KIF3A: variants seen among roughly 807,000 people sequenced by gnomAD.
KIF3A encodes the protein kinesin-like protein KIF3A.
A neutral mutation model predicts 92.6 loss-of-function variants in KIF3A; 27 were observed. The observed-to-expected ratio is 0.29, with a 90% CI of 0.21 to 0.40. The LOEUF (loss-of-function observed/expected upper bound fraction) is 0.40, where lower values mean the gene tolerates loss of function less well. KIF3A is among the 10% of genes least tolerant of loss of function. The probability of loss-of-function intolerance (pLI) is 1.00; values close to 1 mark genes in which losing one functional copy is unlikely to be tolerated. For missense variants in KIF3A, 581 were observed against 872.6 expected, an observed-to-expected ratio of 0.67 and a Z score of 4.21; for synonymous variants, 250 against 275.4, an observed-to-expected ratio of 0.91 and a Z score of 0.92.
intron 4 of KIF3A, among the ~76,000 whole-genome samples, chr5:132,725,646 A>G (rs1213831998): frequency 6.6e-6 from 1 of 152,220 alleles, no homozygotes; most frequent in Non-Finnish European, 1.5e-5. Context: ...ACTGCTGGGA[A>G]GATTAAATGA....
rs549421006 is a variant in KIF3A at position 132,697,027 on chromosome 5, A to C, written c.2133-345T>G. 2.0e-5 allele frequency among the ~76,000 whole-genome samples: 3 copies of C among 152,346 alleles called. No homozygotes were observed. In the South Asian group the frequency reaches 6.2e-4, roughly 32 times the overall value. ...CTGATTATCTCTTCTGAGGTACTCA[A>C]AAGGTGCAAGTGGATTCAGAGGAAA... On this transcript the variant is annotated intron_variant, in intron 18 of 18. Coordinates refer to ENST00000403231, the MANE Select transcript of KIF3A (RefSeq NM_001300791.2).
At position 132,710,949 on chromosome 5, in the gene KIF3A, C is replaced by A; in HGVS notation, c.1228+10G>T. The A allele has an allele frequency of 6.2e-7, 1 of 1,613,758 alleles. No individual in the cohort carries two copies. The highest frequency in any genetic ancestry group is 8.5e-7 in the Non-Finnish European group (1 of 1,179,808). Reference sequence around the variant, plus strand: ...AATTTCTACAAATCAGATTACTAAACAGAACTTACCCCTTCTTTTTTTCCT... The same window carrying A: ...AATTTCTACAAATCAGATTACTAAAAAGAACTTACCCCTTCTTTTTTTCCT... On this transcript the variant is annotated intron_variant, in intron 9 of 18. Coordinates refer to ENST00000403231, the MANE Select transcript of KIF3A (RefSeq NM_001300791.2).
rs1260543519 is a variant in KIF3A at position 132,699,170 on chromosome 5, C to A, written c.2132+1G>T. 6.2e-7 allele frequency: 1 copy of A among 1,613,878 alleles called. No homozygotes were observed. The highest frequency in any genetic ancestry group is 1.3e-5 in the African/African-American group (1 of 75,046). On this transcript the variant is annotated splice_donor_variant, in intron 18 of 18. Coordinates refer to ENST00000403231, the MANE Select transcript of KIF3A (RefSeq NM_001300791.2). LOFTEE classifies it high-confidence loss of function. ...TTACCAGATTCAAGGACAGTCCTTACCTTCTCCCTGTCTTTGGCCTTGCTT... is the reference window on the plus strand; with the variant it reads ...TTACCAGATTCAAGGACAGTCCTTAACTTCTCCCTGTCTTTGGCCTTGCTT...
chr5:132,703,362 A>C, intron 12 of KIF3A, 101 bp downstream of exon 12: 1 of 1,059,448 alleles, frequency 9.4e-7, no homozygotes. Flanking sequence ...CTGGAGACAA[A>C]AATCCAAGCT....
At chr5:132,737,355 C>A (rs1366249680) in intron 1 of KIF3A, 59 bp downstream of exon 1, 6 of 1,565,960 alleles carry the variant, frequency 3.8e-6, no homozygotes, top group African/African-American at 1.4e-5. Context: ...AACGGCCGCG[C>A]CCCCGGGCCA....
chr5:132,713,563 G>A (rs4266392), intron 8 of KIF3A, among the ~76,000 whole-genome samples: 85,951 of 152,004 alleles, frequency 0.57, 26,995 homozygotes, highest in Non-Finnish European at 0.73. Context: ...GAGCAAAAAT[G>A]AACTGAAATG....
intron 17 of KIF3A, among the ~76,000 whole-genome samples, chr5:132,699,945 C>T (rs1468788033): frequency 5.9e-5 from 9 of 152,106 alleles, no homozygotes; most frequent in African/African-American, 1.9e-4. Context: ...CATAATCCTA[C>T]GACCCAGAGT....
chr5:132,696,776 T>C (rs1752853520), intron 18 of KIF3A, 94 bp from the exon 19 acceptor site: 2 of 972,130 alleles, frequency 2.1e-6, no homozygotes, highest in Non-Finnish European at 3.2e-6. Context: ...GGGTGGCCTG[T>C]ATAGTCTGGA....
chr5:132,737,489 A>C lies in KIF3A; in HGVS notation c.-70T>G. ...AGCCCAGCGACACCGGGTGCGCAGA[A>C]AGGATGGCCAGAGACTACCGAAACA... On this transcript the variant is annotated 5_prime_UTR_variant, in exon 1 of 19. Coordinates refer to ENST00000403231, the MANE Select transcript of KIF3A (RefSeq NM_001300791.2). 2.6e-5 allele frequency: 41 copies of C among 1,572,516 alleles called. No homozygotes were observed. Among genetic ancestry groups the C allele is most frequent in the Non-Finnish European group, 3.5e-5 (41 of 1,155,156 alleles).
intron 2 of KIF3A, 90 bp downstream of exon 2, chr5:132,734,115 C>G: frequency 5.1e-6 from 5 of 985,204 alleles, no homozygotes; most frequent in Non-Finnish European, 7.7e-6. Context: ...TTACTACACT[C>G]ATCAAACTGC....
intron 4 of KIF3A, among the ~76,000 whole-genome samples, chr5:132,724,555 A>C (rs922669684): frequency 6.6e-6 from 1 of 151,834 alleles, no homozygotes; most frequent in Non-Finnish European, 1.5e-5. Context: ...AAAAAACCAA[A>C]CACCACATGT....
chr5:132,700,092 G>A, intron 17 of KIF3A, 124 bp downstream of exon 17: 2 of 626,930 alleles, frequency 3.2e-6, no homozygotes, highest in East Asian at 5.5e-5. Flanking sequence ...AAAAGTATCA[G>A]CCCATTTTTC....
rs1222851505 is a variant in KIF3A at position 132,698,766 on chromosome 5, G to C, written c.2132+405C>G. Among the ~76,000 whole-genome samples the C allele has an allele frequency of 1.7e-4, 13 of 75,370 alleles. No homozygotes were observed. The Admixed American group carries it at 1.9e-3, about 11-fold the overall frequency. The allele number at this position is 75,370 out of a possible 152,430, so 49.4% of individuals were successfully genotyped here. A position where few individuals can be genotyped will look rare whatever the true frequency, so the allele number is the denominator to read the frequency against. On this transcript the variant is annotated intron_variant, in intron 18 of 18. Transcript: ENST00000403231. ...TTTTTTTGAGACCAAGTCTTGCTCTGTCACCCAGGCTGAAGTTCAGTGGCA... is the reference window on the plus strand; with the variant it reads ...TTTTTTTGAGACCAAGTCTTGCTCTCTCACCCAGGCTGAAGTTCAGTGGCA...
chr5:132,710,991 C>T lies in KIF3A; in HGVS notation c.1196G>A (p.Gly399Glu), dbSNP rs768347544. 1 of 1,612,004 alleles carries T rather than the reference C, an allele frequency of 6.2e-7. No homozygotes were observed. Among genetic ancestry groups the T allele is most frequent in the Admixed American group, 1.7e-5 (1 of 60,008 alleles). Residue 399 changes from glycine (G) to glutamate (E), a missense_variant, in exon 9 of 19, where the codon GGA becomes GAA. By Grantham distance (98) the Gly-to-Glu change is moderately conservative. Transcript: ENST00000403231. The part of the protein sequence containing the change: ...EEDDDEEGEV[G>E]EDGEKRKKRR... The stretch of plus-strand genomic sequence containing the variant: ...TTTTTTCCTTTTCTCTCCATCTTCT[C>T]CAACCTCACCCTCTTCATCATCATC...
chr5:132,714,597 T>C (rs964941291), intron 8 of KIF3A, among the ~76,000 whole-genome samples: 1 of 152,154 alleles, frequency 6.6e-6, no homozygotes, highest in African/African-American at 2.4e-5. Context: ...GAAAGTAGAA[T>C]AGTGGTTACC....
chr5:132,705,456 T>C (rs1454162213), intron 11 of KIF3A, among the ~76,000 whole-genome samples: 3 of 152,102 alleles, frequency 2.0e-5, no homozygotes, highest in East Asian at 1.9e-4. Flanking sequence ...ATTGTTTCAA[T>C]AGTTAAAAAC....
At position 132,734,484 on chromosome 5, in the gene KIF3A, GGA is replaced by G. The variant is rs776997210; in HGVS notation, c.7-8_7-7del. 6.3e-7 allele frequency: 1 copy of G among 1,589,504 alleles called. No homozygotes were observed. The highest frequency in any genetic ancestry group is 1.8e-5 in the Admixed American group (1 of 54,104). On this transcript the variant is annotated splice_polypyrimidine_tract_variant and splice_region_variant and intron_variant, in intron 1 of 18. Coordinates refer to ENST00000403231, the MANE Select transcript of KIF3A (RefSeq NM_001300791.2). The stretch of plus-strand genomic sequence containing the variant: ...GGCTTCTCTGATTTATTGATCTGTT[GGA>G]GATAATATTTACAAATAATGAAAAG...
intron 17 of KIF3A, chr5:132,699,585 G>C: frequency 2.2e-6 from 1 of 454,906 alleles, no homozygotes; most frequent in Non-Finnish European, 4.3e-6. Flanking sequence ...TTGAGACGGA[G>C]TCTCACTCTG....
At position 132,716,879 on chromosome 5, in the gene KIF3A, A is replaced by G; in HGVS notation, c.722T>C (p.Val241Ala). 6.2e-7 allele frequency: 1 copy of G among 1,614,086 alleles called. No homozygotes were observed. Among genetic ancestry groups the G allele is most frequent in the Non-Finnish European group, 8.5e-7 (1 of 1,179,986 alleles). ...SEKGIDGNMH[V>A]RMGKLHLVDL... ...TACAAGATGGAGCTTCCCCATCCTG[A>G]CATGCATGTTACCATCAATGCCTTT... is the stretch of plus-strand genomic sequence containing the variant. The change falls in exon 6 of 19, where the codon GTC (valine) becomes GCC (alanine). Residue 241 changes from valine (V) to alanine (A), a missense_variant. Around this residue, in one of 5 missense-constraint regions of KIF3A, gnomAD observed 217 missense variants for 299.7 expected, o/e 0.72. Coordinates refer to ENST00000403231, the MANE Select transcript of KIF3A (RefSeq NM_001300791.2).
Sources: gnomAD v4.1 joint callset for allele counts (sites outside exome capture counted in the v4.1 genomes callset) on GRCh38, gnomAD v4.1.1 for gene constraint, gnomAD v4.1.1 regional missense constraint, MANE v1.5 for transcripts, NCBI Gene and HGNC (gene_info 2026-07-23, HGNC 2026-07-21) for gene names.